SATB2: variants seen among roughly 807,000 people sequenced by gnomAD.
The protein encoded by SATB2 is DNA-binding protein SATB2.
In SATB2, 1 loss-of-function variant was observed where a neutral mutation model predicts 73.4. That is an observed-to-expected ratio of 0.01 (90% CI 0.00 to 0.06). SATB2 has a LOEUF of 0.06. Ranked by LOEUF, SATB2 falls within the 10% of genes least tolerant of loss-of-function variation. The probability of loss-of-function intolerance (pLI) is 1.00; values close to 1 mark genes in which losing one functional copy is unlikely to be tolerated. For missense variants in SATB2, 459 were observed against 945.8 expected (o/e 0.49, Z 6.75); for synonymous variants, 397 against 367.0 (o/e 1.08, Z -0.93).
intron 10 of SATB2, among the ~76,000 whole-genome samples, chr2:199,298,437 A>C (rs1687182595): frequency 6.6e-6 from 1 of 152,174 alleles, no homozygotes; most frequent in Non-Finnish European, 1.5e-5. Context: ...ATACTACTTA[A>C]GTATTTTTTA....
intron 1 of SATB2, chr2:199,470,869 C>T (rs1692690738): frequency 6.6e-6 from 1 of 152,362 alleles, no homozygotes; most frequent in Non-Finnish European, 1.5e-5. Flanking sequence ...ACCCCGCTCA[C>T]GTGTAAGCAA....
At chr2:199,403,386 T>C (rs1690539571) in intron 3 of SATB2, among the ~76,000 whole-genome samples, 1 of 152,044 alleles carries the variant, frequency 6.6e-6, no homozygotes, top group African/African-American at 2.4e-5. Context: ...AACTAAGATA[T>C]ATAGATAGCC....
chr2:199,425,938 G>T (rs552609247), intron 3 of SATB2, among the ~76,000 whole-genome samples: 1 of 152,190 alleles, frequency 6.6e-6, no homozygotes, highest in South Asian at 2.1e-4. Flanking sequence ...ACAAAGCATG[G>T]GGTCTGTTGA....
chr2:199,364,333 G>A (rs1689224961), intron 6 of SATB2, among the ~76,000 whole-genome samples: 1 of 151,994 alleles, frequency 6.6e-6, no homozygotes, highest in Non-Finnish European at 1.5e-5. Context: ...ACCCTTCATG[G>A]GCTTTGTTTA....
At chr2:199,390,779 C>T (rs1390441004) in intron 3 of SATB2, among the ~76,000 whole-genome samples, 1 of 152,102 alleles carries the variant, frequency 6.6e-6, no homozygotes, top group Non-Finnish European at 1.5e-5. Flanking sequence ...GAGGACCTGG[C>T]TTTCCAGGTA....
intron 8 of SATB2, among the ~76,000 whole-genome samples, chr2:199,326,832 T>C (rs1688041885): frequency 6.6e-6 from 1 of 152,164 alleles, no homozygotes; most frequent in Non-Finnish European, 1.5e-5. Context: ...AAGAGACTTA[T>C]TTTTGGTTCA....
chr2:199,454,830 A>C (rs1692227022), intron 2 of SATB2, among the ~76,000 whole-genome samples: 1 of 152,168 alleles, frequency 6.6e-6, no homozygotes, highest in African/African-American at 2.4e-5. Flanking sequence ...CACAATAGAC[A>C]CTTACAACAA....
chr2:199,427,379 T>C (rs181734373), intron 3 of SATB2, among the ~76,000 whole-genome samples: 4 of 152,124 alleles, frequency 2.6e-5, no homozygotes, highest in African/African-American at 9.7e-5. Context: ...TTTATAGATT[T>C]GTATGGCTCC....
intron 10 of SATB2, among the ~76,000 whole-genome samples, chr2:199,304,524 A>G (rs1478543852): frequency 6.6e-6 from 1 of 152,016 alleles, no homozygotes; most frequent in African/African-American, 2.4e-5. Flanking sequence ...GCCCCTCTTT[A>G]TGAAATTTTA....
chr2:199,469,394 G>T (rs1162397176), upstream of SATB2, among the ~76,000 whole-genome samples: 4 of 152,120 alleles, frequency 2.6e-5, no homozygotes, highest in South Asian at 8.3e-4. Context: ...ATGCCCCTTC[G>T]ACTCTCCTCC....
chr2:199,377,989 CG>C (rs1268493361), intron 5 of SATB2, among the ~76,000 whole-genome samples: 2 of 152,064 alleles, frequency 1.3e-5, no homozygotes, highest in African/African-American at 4.8e-5. Context: ...CTCATTTGAA[CG>C]TCAAGACAAC....
In SATB2 at chr2:199,455,687, T is replaced by C. The variant is rs1333855693; in HGVS notation, c.169+182A>G. ...CCACCCTCTGGGTAAAACCACTTTC[T>C]TGTTTTAACTGGAGATGAAGCTACC... On this transcript the variant is annotated intron_variant, in intron 2 of 10. Transcript: ENST00000417098. The surrounding 1 kb of genome is among the most constrained non-coding windows in gnomAD (Gnocchi z 4.1). 6.6e-6 allele frequency among the ~76,000 whole-genome samples: 1 copy of C among 152,242 alleles called. No homozygotes were observed. Among genetic ancestry groups the C allele is most frequent in the Non-Finnish European group, 1.5e-5 (1 of 68,038 alleles).
At chr2:199,386,716 G>GCGCGCACA (rs1689968284) in intron 3 of SATB2, among the ~76,000 whole-genome samples, 2 of 9,220 alleles carry the variant, frequency 2.2e-4, no homozygotes, top group African/African-American at 3.2e-4. Context: ...GCGCGCGCGC[G>GCGCGCACA]CACACACACA....
upstream of SATB2, among the ~76,000 whole-genome samples, chr2:199,460,822 T>A (rs1192570551): frequency 6.6e-6 from 1 of 152,256 alleles, no homozygotes; most frequent in East Asian, 1.9e-4. This position sits in a 1 kb window ranked among gnomAD's most constrained non-coding sequence, Gnocchi z 4.0. Context: ...TATTTTATTA[T>A]GTTTTGAAGG....
intron 2 of SATB2, among the ~76,000 whole-genome samples, chr2:199,444,709 G>A (rs929406113): frequency 8.5e-5 from 13 of 152,124 alleles, no homozygotes; most frequent in African/African-American, 1.7e-4. Flanking sequence ...AATAGTATAC[G>A]TTTAAAGTTT....
intron 3 of SATB2, among the ~76,000 whole-genome samples, chr2:199,429,365 C>T (rs1369502140): frequency 6.6e-6 from 1 of 152,122 alleles, no homozygotes; most frequent in Non-Finnish European, 1.5e-5. Context: ...ATCCTTCTTC[C>T]ATGCATATAT....
At chr2:199,305,945 T>C (rs1339830221) in intron 10 of SATB2, among the ~76,000 whole-genome samples, 7 of 149,758 alleles carry the variant, frequency 4.7e-5, no homozygotes, top group Admixed American at 2.7e-4. Flanking sequence ...ATTTTACCCA[T>C]AGTTAACAAT....
chr2:199,452,592 C>G (rs1463345700), intron 2 of SATB2, among the ~76,000 whole-genome samples: 1 of 152,034 alleles, frequency 6.6e-6, no homozygotes, highest in Admixed American at 6.6e-5. Flanking sequence ...TATAAATTTC[C>G]CCACCATTAA....
intron 6 of SATB2, among the ~76,000 whole-genome samples, chr2:199,358,292 A>T (rs1282599273): frequency 6.6e-6 from 1 of 152,132 alleles, no homozygotes; most frequent in Non-Finnish European, 1.5e-5. Flanking sequence ...TCAATTTATT[A>T]TACAAAAAAA....
Sources: gnomAD v4.1 joint callset for allele counts (sites outside exome capture counted in the v4.1 genomes callset) on GRCh38, gnomAD v4.1.1 for gene constraint, Gnocchi (gnomAD v3.1) non-coding constraint, MANE v1.5 for transcripts, NCBI Gene and HGNC (gene_info 2026-07-23, HGNC 2026-07-21) for gene names.